The following CTNNA3 variants were observed in gnomAD, a reference collection of about 807,000 sequenced individuals.
CTNNA3 encodes catenin alpha 3, also known as catenin alpha-3.
In CTNNA3, 76 loss-of-function variants were observed where a neutral mutation model predicts 95.7. That is an observed-to-expected ratio of 0.79 (90% CI 0.66 to 0.96). The LOEUF is 0.96. Among genes scored for constraint, CTNNA3 ranks in the 40% least tolerant of loss-of-function variants. CTNNA3 has a pLI of 0.00. For missense variants in CTNNA3, 1,191 were observed against 1,089.8 expected (o/e 1.09, Z -1.31); for synonymous variants, 431 against 374.4 (o/e 1.15, Z -1.74).
At position 65,936,811 on chromosome 10, in the gene CTNNA3, T is replaced by C. The variant is rs182028347; in HGVS notation, c.2401-16194A>G. 2.2e-3 allele frequency among the ~76,000 whole-genome samples: 340 copies of C among 152,172 alleles called. 2 individuals carry two copies. The highest frequency in any genetic ancestry group is 7.8e-3 in the African/African-American group (326 of 41,566). ...TTTCCCATCTGAAAAACAGGCATAA[T>C]AATCATATCTACCTAATGAAGTAGA... On this transcript the variant is annotated intron_variant, in intron 17 of 17. Transcript: ENST00000433211.
intron 5 of CTNNA3, among the ~76,000 whole-genome samples, chr10:67,400,517 A>C (rs186198913): frequency 6.6e-6 from 1 of 152,204 alleles, no homozygotes; most frequent in African/African-American, 2.4e-5. Context: ...TTCACTCTGG[A>C]ATAAATACTT....
intron 12 of CTNNA3, among the ~76,000 whole-genome samples, chr10:66,374,142 T>A (rs2092775312): frequency 2.0e-5 from 3 of 152,134 alleles, no homozygotes; most frequent in Non-Finnish European, 4.4e-5. Context: ...TATGTGTAGA[T>A]GCTACCGGGG....
intron 1 of CTNNA3, chr10:67,751,136 G>T: frequency 7.5e-7 from 1 of 1,332,692 alleles, no homozygotes; most frequent in Non-Finnish European, 1.1e-6. Flanking sequence ...ATGATGAGGA[G>T]ATGGCAACCA....
intron 1 of CTNNA3, among the ~76,000 whole-genome samples, chr10:67,705,901 A>G (rs1841076147): frequency 6.6e-6 from 1 of 152,106 alleles, no homozygotes; most frequent in Non-Finnish European, 1.5e-5. Flanking sequence ...AATTAACTAG[A>G]GCGAAGTCTG....
At chr10:66,178,148 T>A (rs1385451869) in intron 13 of CTNNA3, among the ~76,000 whole-genome samples, 2 of 151,544 alleles carry the variant, frequency 1.3e-5, no homozygotes, top group East Asian at 3.9e-4. Flanking sequence ...CATGAAGACA[T>A]CATACTTGAA....
At chr10:67,116,477 G>A (rs1859195396) in intron 7 of CTNNA3, among the ~76,000 whole-genome samples, 1 of 151,750 alleles carries the variant, frequency 6.6e-6, no homozygotes, top group Non-Finnish European at 1.5e-5. Flanking sequence ...TAAGAATCTT[G>A]GCTTCTCTGC....
At chr10:66,112,909 C>T (rs771469958) in intron 13 of CTNNA3, among the ~76,000 whole-genome samples, 3 of 151,998 alleles carry the variant, frequency 2.0e-5, no homozygotes, top group Non-Finnish European at 4.4e-5. Context: ...TCTTGGCTAT[C>T]GTGAATAATG....
intron 9 of CTNNA3, among the ~76,000 whole-genome samples, chr10:66,671,560 TTC>T (rs1242687796): frequency 1.3e-4 from 20 of 152,310 alleles, no homozygotes; most frequent in African/African-American, 4.8e-4. Flanking sequence ...CTTTTGAATT[TTC>T]TGTTACTTTT....
At chr10:65,985,842 G>A (rs1038105169) in intron 16 of CTNNA3, among the ~76,000 whole-genome samples, 2 of 151,408 alleles carry the variant, frequency 1.3e-5, no homozygotes, top group Non-Finnish European at 3.0e-5. Flanking sequence ...AATTGTCCTA[G>A]TTTATAGATA....
chr10:66,965,554 A>G (rs924038361), intron 7 of CTNNA3, among the ~76,000 whole-genome samples: 19 of 84,556 alleles, frequency 2.2e-4, no homozygotes, highest in African/African-American at 6.1e-4. Context: ...GAAAAGAAAA[A>G]AAAAAAAGCT....
intron 7 of CTNNA3, among the ~76,000 whole-genome samples, chr10:66,911,654 T>C (rs1447937466): frequency 6.6e-6 from 1 of 152,192 alleles, no homozygotes; most frequent in African/African-American, 2.4e-5. Context: ...AACCAGTTAC[T>C]TCATCTCTCT....
intron 15 of CTNNA3, among the ~76,000 whole-genome samples, chr10:66,040,261 T>A (rs2079657567): frequency 6.6e-6 from 1 of 152,074 alleles, no homozygotes; most frequent in Admixed American, 6.6e-5. Context: ...AAAGAAATGC[T>A]TATACACTAT....
chr10:66,114,457 T>A (rs1176488911), intron 13 of CTNNA3, among the ~76,000 whole-genome samples: 2 of 122,538 alleles, frequency 1.6e-5, no homozygotes, highest in African/African-American at 7.3e-5. Flanking sequence ...TATGTATATA[T>A]GTGTATATAT....
At chr10:66,439,873 G>T (rs2093363877) in intron 11 of CTNNA3, among the ~76,000 whole-genome samples, 1 of 151,994 alleles carries the variant, frequency 6.6e-6, no homozygotes, top group Admixed American at 6.6e-5. Context: ...AGTAGAAGCT[G>T]GTCAATACCT....
At chr10:67,235,012 G>C (rs1410177986) in intron 5 of CTNNA3, among the ~76,000 whole-genome samples, 43 of 150,176 alleles carry the variant, frequency 2.9e-4, no homozygotes, top group Middle Eastern at 3.4e-3. Context: ...TGAAATAAAA[G>C]AGGATACAAA....
intron 1 of CTNNA3, among the ~76,000 whole-genome samples, chr10:67,704,454 G>A (rs909973427): frequency 2.0e-5 from 3 of 152,226 alleles, no homozygotes; most frequent in East Asian, 3.9e-4. Context: ...ACAGACCAGA[G>A]CCCTCAGAAA....
chr10:66,382,654 T>C (rs1303942158), intron 11 of CTNNA3, among the ~76,000 whole-genome samples: 4 of 152,196 alleles, frequency 2.6e-5, no homozygotes, highest in Non-Finnish European at 4.4e-5. Context: ...GACCTCTGTG[T>C]AGCCTAACTG....
At chr10:66,878,065 G>C (rs1193151111) in intron 7 of CTNNA3, among the ~76,000 whole-genome samples, 2 of 152,134 alleles carry the variant, frequency 1.3e-5, no homozygotes, top group Non-Finnish European at 2.9e-5. Context: ...GTTTTCGGAA[G>C]TCAGGAAAGG....
chr10:66,868,408 A>G (rs1439611014), intron 7 of CTNNA3, among the ~76,000 whole-genome samples: 1 of 151,830 alleles, frequency 6.6e-6, no homozygotes, highest in African/African-American at 2.4e-5. Context: ...TTAATAGACA[A>G]ACACTGGCAG....
Sources: allele counts gnomAD v4.1 joint callset (sites outside exome capture counted in the v4.1 genomes callset), GRCh38; gene constraint gnomAD v4.1.1; transcripts MANE v1.5; gene names NCBI Gene and HGNC (gene_info 2026-07-23, HGNC 2026-07-21).